DLGAP1: variants seen among roughly 807,000 people sequenced by gnomAD.
The protein encoded by DLGAP1 is disks large-associated protein 1.
Under a neutral mutation model 90.8 loss-of-function variants are expected in DLGAP1, and 11 were observed. The observed-to-expected ratio is 0.12, with a 90% CI of 0.08 to 0.20. DLGAP1 has a LOEUF of 0.20. DLGAP1 is among the 10% of genes least tolerant of loss of function. The pLI, the probability that DLGAP1 is intolerant of heterozygous loss-of-function variation, is 1.00. For missense variants in DLGAP1, 1,050 were observed against 1,333.8 expected (o/e 0.79, Z 3.31); for synonymous variants, 558 against 540.7 (o/e 1.03, Z -0.44).
chr18:3,668,160 T>G (rs2059947591), intron 7 of DLGAP1, among the ~76,000 whole-genome samples: 1 of 152,216 alleles, frequency 6.6e-6, no homozygotes. Flanking sequence ...AGATGGCACA[T>G]AAGCCCCAAA....
intron 4 of DLGAP1, among the ~76,000 whole-genome samples, chr18:3,823,949 CAAAAAAAA>C (rs60286806): frequency 8.2e-5 from 3 of 36,554 alleles, no homozygotes; most frequent in Admixed American, 5.4e-4. Flanking sequence ...GACTCCCTCT[CAAAAAAAA>C]AAAAAAAAAA....
intron 10 of DLGAP1, among the ~76,000 whole-genome samples, chr18:3,520,751 A>G (rs143643365): frequency 5.9e-5 from 9 of 152,340 alleles, no homozygotes; most frequent in Non-Finnish European, 1.3e-4. Context: ...GTACTTTATT[A>G]TGGCAGCCTT....
intron 1 of DLGAP1, among the ~76,000 whole-genome samples, chr18:4,416,394 A>AAATTTTAC (rs3086682): frequency 0.48 from 72,789 of 151,540 alleles, 17,908 homozygotes; most frequent in African/African-American, 0.61. Context: ...TATTAATAAC[A>AAATTTTAC]ATTTTGAATT....
At chr18:3,537,280 A>G (rs574680142) in intron 9 of DLGAP1, among the ~76,000 whole-genome samples, 1 of 152,234 alleles carries the variant, frequency 6.6e-6, no homozygotes, top group Non-Finnish European at 1.5e-5. Context: ...CCCTGGCCCC[A>G]GGCAGCCATC....
chr18:4,276,461 C>A (rs1598790749), intron 1 of DLGAP1, among the ~76,000 whole-genome samples: 1 of 151,616 alleles, frequency 6.6e-6, no homozygotes, highest in Admixed American at 6.6e-5. Flanking sequence ...CGTGGTGAAA[C>A]CCTGTCTCTA....
intron 5 of DLGAP1, among the ~76,000 whole-genome samples, chr18:3,802,276 C>A (rs1240788577): frequency 6.6e-6 from 1 of 152,212 alleles, no homozygotes; most frequent in African/African-American, 2.4e-5. Flanking sequence ...AGCCACCGAC[C>A]CCGCCACGCA....
intron 1 of DLGAP1, among the ~76,000 whole-genome samples, chr18:4,175,643 C>T (rs2077095156): frequency 6.6e-6 from 1 of 152,102 alleles, no homozygotes; most frequent in Non-Finnish European, 1.5e-5. Context: ...TATGACTTGC[C>T]AGTTTTCCCA....
At chr18:3,889,969 G>A (rs2071417313) in intron 3 of DLGAP1, among the ~76,000 whole-genome samples, 1 of 152,218 alleles carries the variant, frequency 6.6e-6, no homozygotes, top group Non-Finnish European at 1.5e-5. Flanking sequence ...GCTGCCTAAT[G>A]GCCTTGTAGG....
At chr18:3,825,477 A>T (rs1459705226) in intron 4 of DLGAP1, among the ~76,000 whole-genome samples, 1 of 152,256 alleles carries the variant, frequency 6.6e-6, no homozygotes, top group African/African-American at 2.4e-5. Context: ...ATTCCTTGTA[A>T]TACCAAATAC....
chr18:4,448,357 C>T (rs1303629563), intron 1 of DLGAP1, among the ~76,000 whole-genome samples: 1 of 152,156 alleles, frequency 6.6e-6, no homozygotes, highest in East Asian at 1.9e-4. Context: ...ATATTCTTCA[C>T]AGTAATAAGT....
At chr18:4,412,069 T>G (rs2144618326) in intron 1 of DLGAP1, among the ~76,000 whole-genome samples, 1 of 152,298 alleles carries the variant, frequency 6.6e-6, no homozygotes, top group African/African-American at 2.4e-5. Flanking sequence ...ACAGTCTCCT[T>G]AGTATCGTGT....
chr18:4,042,384 T>C (rs1327534708), intron 2 of DLGAP1, among the ~76,000 whole-genome samples: 1 of 152,248 alleles, frequency 6.6e-6, no homozygotes, highest in African/African-American at 2.4e-5. Context: ...TATTTTCTGA[T>C]ACTTTATCAA....
chr18:3,821,834 G>T, intron 4 of DLGAP1: 1 of 847,668 alleles, frequency 1.2e-6, no homozygotes, highest in Non-Finnish European at 1.4e-6. Flanking sequence ...TTAGAGAAAT[G>T]GCTGTAATGT....
Position 3,703,307 on chromosome 18 carries a change from C to A in DLGAP1, c.1591+25828G>T, listed in dbSNP as rs150742853. The stretch of plus-strand genomic sequence containing the variant: ...GATTCACGTGCTCTGAATTTTATTG[C>A]ATTTACTCCAAATGCCACTGGGCAG... On this transcript the variant is annotated intron_variant, in intron 7 of 12. Transcript: ENST00000315677. 1.4e-3 allele frequency among the ~76,000 whole-genome samples: 206 copies of A among 152,342 alleles called. 1 individual carries two copies. The highest frequency in any genetic ancestry group is 4.8e-3 in the African/African-American group (200 of 41,576).
chr18:3,731,556 C>G (rs971182691), intron 6 of DLGAP1, among the ~76,000 whole-genome samples: 1 of 149,684 alleles, frequency 6.7e-6, no homozygotes, highest in East Asian at 2.0e-4. Flanking sequence ...CACAGGTACG[C>G]ACCACCACGC....
At chr18:3,657,758 G>A (rs1055552420) in intron 7 of DLGAP1, among the ~76,000 whole-genome samples, 11 of 151,870 alleles carry the variant, frequency 7.2e-5, no homozygotes, top group South Asian at 4.2e-4. Flanking sequence ...GCCCGCCACC[G>A]CACCCGGCTA....
At chr18:3,779,245 T>G (rs1024149268) in intron 5 of DLGAP1, among the ~76,000 whole-genome samples, 5 of 152,200 alleles carry the variant, frequency 3.3e-5, no homozygotes, top group Non-Finnish European at 5.9e-5. Flanking sequence ...CTGTTGTTGT[T>G]GTTGTTGTTG....
chr18:4,184,861 G>A (rs1325709836), intron 1 of DLGAP1, among the ~76,000 whole-genome samples: 1 of 152,086 alleles, frequency 6.6e-6, no homozygotes, highest in Non-Finnish European at 1.5e-5. Context: ...TTTATATTCT[G>A]AGGCCTGAAC....
At chr18:3,878,851 A>G (rs1275258205) in intron 4 of DLGAP1, among the ~76,000 whole-genome samples, 2 of 152,148 alleles carry the variant, frequency 1.3e-5, no homozygotes, top group African/African-American at 4.8e-5. Flanking sequence ...GAAGCCCATA[A>G]TAACTGGTTG....
Sources: allele counts gnomAD v4.1 joint callset (sites outside exome capture counted in the v4.1 genomes callset), GRCh38; gene constraint gnomAD v4.1.1; transcripts MANE v1.5; gene names NCBI Gene and HGNC (gene_info 2026-07-23, HGNC 2026-07-21).